CTTNBP2: variants seen among roughly 807,000 people sequenced by gnomAD.
CTTNBP2 encodes the protein cortactin binding protein 2.
CTTNBP2 carries 108 observed loss-of-function variants against 156.9 expected under a neutral mutation model. The ratio of observed to expected loss-of-function variants is 0.69; its 90% CI spans 0.59 to 0.81. The LOEUF (loss-of-function observed/expected upper bound fraction) is 0.81, where lower values mean the gene tolerates loss of function less well. CTTNBP2 is among the 30% of genes least tolerant of loss of function. The probability of loss-of-function intolerance (pLI) is 0.00; values close to 1 mark genes in which losing one functional copy is unlikely to be tolerated. For synonymous variants in CTTNBP2, 767 were observed against 751.8 expected, an observed-to-expected ratio of 1.02 and a Z score of -0.33; for missense variants, 1,924 against 2,035.4, an observed-to-expected ratio of 0.95 and a Z score of 1.05.
At chr7:117,726,555 G>A (rs1268361890) in intron 17 of CTTNBP2, among the ~76,000 whole-genome samples, 2 of 152,166 alleles carry the variant, frequency 1.3e-5, no homozygotes. Flanking sequence ...CTGCACATCT[G>A]GTGTCAGGTT....
In CTTNBP2 at chr7:117,791,968, C is replaced by T. The variant is rs376811569; in HGVS notation, c.1228G>A (p.Ala410Thr). The T allele has an allele frequency of 8.7e-6, 14 of 1,613,950 alleles. No homozygotes were observed. In the Admixed American group the frequency reaches 1.2e-4, roughly 13 times the overall value. Residue 410 changes from alanine to threonine, a missense_variant, in exon 4 of 23, where the codon GCT (alanine) becomes ACT (threonine). Ala to Thr is a moderately conservative substitution (Grantham distance 58). Transcript: ENST00000160373. ...TGAGGAGCTATGCCTGGTGTTTGAGCGGTGGGAGGGGCAGCGTTACTGGGA... is the reference window on the plus strand; with the variant it reads ...TGAGGAGCTATGCCTGGTGTTTGAGTGGTGGGAGGGGCAGCGTTACTGGGA... ...PLPSNAAPPTAQTPGIAPQNS... is the reference protein window; with the variant it reads ...PLPSNAAPPTTQTPGIAPQNS...
At chr7:117,717,372 G>C (rs902472973) in intron 22 of CTTNBP2, among the ~76,000 whole-genome samples, 3 of 150,544 alleles carry the variant, frequency 2.0e-5, no homozygotes, top group African/African-American at 7.3e-5. Context: ...TCAGTGCTTT[G>C]TTTTGTTATA....
chr7:117,731,498 G>A (rs528025433), intron 16 of CTTNBP2, among the ~76,000 whole-genome samples: 1 of 152,316 alleles, frequency 6.6e-6, no homozygotes, highest in Non-Finnish European at 1.5e-5. Context: ...AGGGTGAGAG[G>A]AACCCGGTCT....
intron 2 of CTTNBP2, among the ~76,000 whole-genome samples, chr7:117,851,885 A>T (rs555511289): frequency 1.3e-5 from 2 of 152,318 alleles, no homozygotes; most frequent in Non-Finnish European, 1.5e-5. Context: ...TTTTATGAAA[A>T]ATGTATTCCC....
At chr7:117,784,176 C>G in intron 5 of CTTNBP2, 75 bp downstream of exon 5, 1 of 1,110,478 alleles carries the variant, frequency 9.0e-7, no homozygotes, top group South Asian at 1.9e-5. Context: ...ACTTTCTGCT[C>G]ATTACAATTG....
In CTTNBP2 at chr7:117,768,726, G is replaced by A. The variant is rs199871326; in HGVS notation, c.2779-1550C>T. Among the ~76,000 whole-genome samples, 13 of 152,102 alleles carry A rather than the reference G, an allele frequency of 8.5e-5. No homozygotes were observed. The East Asian group carries it at 2.3e-3, about 27-fold the overall frequency. ...TCAACAATTAACTCCTCCATCCCCC[G>A]CAGAGGCAACTACTATCTGCTTTCT... On this transcript the variant is annotated intron_variant, in intron 8 of 22. Transcript: ENST00000160373.
intron 17 of CTTNBP2, among the ~76,000 whole-genome samples, chr7:117,727,846 A>C (rs1233565529): frequency 2.0e-5 from 3 of 152,194 alleles, no homozygotes; most frequent in Non-Finnish European, 4.4e-5. Context: ...TAGCAAGCCA[A>C]ACATAACTTG....
chr7:117,863,048 C>T (rs959448039), intron 1 of CTTNBP2, among the ~76,000 whole-genome samples: 3 of 152,172 alleles, frequency 2.0e-5, no homozygotes, highest in Non-Finnish European at 4.4e-5. Context: ...CAAAAGTATA[C>T]ATAGCAAAGA....
At chr7:117,818,714 G>A (rs576779097) in intron 2 of CTTNBP2, among the ~76,000 whole-genome samples, 1 of 152,284 alleles carries the variant, frequency 6.6e-6, no homozygotes, top group Non-Finnish European at 1.5e-5. Context: ...AGACTGAAGA[G>A]GAAGAGCAGA....
intron 4 of CTTNBP2, among the ~76,000 whole-genome samples, chr7:117,786,010 A>G (rs962992338): frequency 3.3e-5 from 5 of 152,216 alleles, no homozygotes; most frequent in Non-Finnish European, 7.3e-5. Context: ...TAAGCATATG[A>G]GAGTCATATT....
intron 8 of CTTNBP2, among the ~76,000 whole-genome samples, chr7:117,768,747 T>C (rs1207227172): frequency 2.0e-5 from 3 of 152,148 alleles, no homozygotes; most frequent in Non-Finnish European, 1.5e-5. Context: ...TACTATCTGC[T>C]TTCTAATATT....
intron 20 of CTTNBP2, among the ~76,000 whole-genome samples, chr7:117,720,091 G>A (rs1039065614): frequency 1.3e-5 from 2 of 152,134 alleles, no homozygotes; most frequent in African/African-American, 4.8e-5. Flanking sequence ...TACATCCTAG[G>A]GTTGCTGGAA....
chr7:117,833,417 G>A lies in CTTNBP2; in HGVS notation c.190-22428C>T, dbSNP rs73479307. On this transcript the variant is annotated intron_variant, in intron 2 of 22. Coordinates refer to ENST00000160373, the MANE Select transcript of CTTNBP2 (RefSeq NM_033427.3). ...ATTTCTGTGTTTGTGTGTCTTATCT[G>A]ATTAAAACAAATCCTGAGTGCATTT... 1.7e-3 allele frequency among the ~76,000 whole-genome samples: 254 copies of A among 152,264 alleles called. 1 individual carries two copies. Among genetic ancestry groups the A allele is most frequent in the African/African-American group, 6.0e-3 (248 of 41,556 alleles).
chr7:117,789,264 C>G (rs1798864711), intron 4 of CTTNBP2, among the ~76,000 whole-genome samples: 2 of 152,268 alleles, frequency 1.3e-5, no homozygotes, highest in South Asian at 4.1e-4. Flanking sequence ...AACCCAGGAC[C>G]ACAGTAATGA....
At chr7:117,837,461 A>G (rs1474543529) in intron 2 of CTTNBP2, among the ~76,000 whole-genome samples, 1 of 152,088 alleles carries the variant, frequency 6.6e-6, no homozygotes, top group Non-Finnish European at 1.5e-5. Context: ...TGCCCTAACC[A>G]GCCTCTCTTA....
intron 9 of CTTNBP2, among the ~76,000 whole-genome samples, chr7:117,761,918 C>T (rs1466263897): frequency 2.4e-4 from 37 of 152,070 alleles, no homozygotes; most frequent in Admixed American, 2.4e-3. Flanking sequence ...TAGATTTTTC[C>T]ATTAAGTAAC....
chr7:117,810,681 T>C (rs1318150402), intron 3 of CTTNBP2, 84 bp downstream of exon 3: 9 of 1,058,682 alleles, frequency 8.5e-6, no homozygotes, highest in Admixed American at 7.1e-5. Flanking sequence ...GAAAATATAA[T>C]ACTGAAGAAC....
chr7:117,734,791 A>G (rs575473358), intron 16 of CTTNBP2, 122 bp downstream of exon 16: 281 of 639,682 alleles, frequency 4.4e-4, no homozygotes, highest in Non-Finnish European at 6.6e-4. Context: ...TGGCCCTTGA[A>G]TGTCAAAAAG....
At chr7:117,833,625 T>G (rs375993801) in intron 2 of CTTNBP2, among the ~76,000 whole-genome samples, 12 of 152,314 alleles carry the variant, frequency 7.9e-5, no homozygotes, top group African/African-American at 2.9e-4. Flanking sequence ...GATCACTATA[T>G]GTTGTACGTA....
Sources: allele counts gnomAD v4.1 joint callset (sites outside exome capture counted in the v4.1 genomes callset), GRCh38; gene constraint gnomAD v4.1.1; transcripts MANE v1.5; gene names NCBI Gene and HGNC (gene_info 2026-07-23, HGNC 2026-07-21).